HS6ST3: variants seen among roughly 807,000 people sequenced by gnomAD.
HS6ST3 encodes heparan-sulfate 6-O-sulfotransferase 3.
A neutral mutation model predicts 36.7 loss-of-function variants in HS6ST3; 12 were observed. The ratio of observed to expected loss-of-function variants is 0.33; its 90% CI spans 0.21 to 0.53. HS6ST3 has a LOEUF of 0.53. Among genes scored for constraint, HS6ST3 ranks in the 20% least tolerant of loss-of-function variants. HS6ST3 has a pLI of 0.95. For missense variants in HS6ST3, 584 were observed against 640.9 expected (o/e 0.91, Z 0.96); for synonymous variants, 240 against 257.5 (o/e 0.93, Z 0.65).
intron 1 of HS6ST3, among the ~76,000 whole-genome samples, chr13:96,686,115 A>G (rs780042838): frequency 6.6e-6 from 1 of 151,990 alleles, no homozygotes; most frequent in African/African-American, 2.4e-5. Context: ...AGTTACACAC[A>G]ACTCATCATC....
At chr13:96,761,968 ATAT>A (rs1419183359) in intron 1 of HS6ST3, among the ~76,000 whole-genome samples, 5 of 152,112 alleles carry the variant, frequency 3.3e-5, no homozygotes, top group African/African-American at 9.7e-5. Flanking sequence ...AATGAGTATA[ATAT>A]TATGGTATAT....
intron 1 of HS6ST3, among the ~76,000 whole-genome samples, chr13:96,631,429 AAAG>A (rs2056531751): frequency 6.6e-6 from 1 of 152,252 alleles, no homozygotes; most frequent in Non-Finnish European, 1.5e-5. Flanking sequence ...TTTGTTCTCA[AAAG>A]ATTGTTAACA....
intron 1 of HS6ST3, among the ~76,000 whole-genome samples, chr13:96,606,617 G>T (rs1050459339): frequency 6.1e-4 from 85 of 138,322 alleles, no homozygotes; most frequent in Non-Finnish European, 1.3e-3. Flanking sequence ...GAGGGAGGGA[G>T]GGAGGGAGGG....
At chr13:96,744,054 T>C (rs181870826) in intron 1 of HS6ST3, among the ~76,000 whole-genome samples, 299 of 152,218 alleles carry the variant, frequency 2.0e-3, no homozygotes, top group Non-Finnish European at 3.9e-3. Flanking sequence ...AGAATATTTC[T>C]ATAAGTCACA....
intron 1 of HS6ST3, among the ~76,000 whole-genome samples, chr13:96,623,055 T>A (rs1566413825): frequency 6.6e-6 from 1 of 152,214 alleles, no homozygotes; most frequent in South Asian, 2.1e-4. Context: ...ATCCTTAGGA[T>A]CTATTATTTT....
intron 1 of HS6ST3, among the ~76,000 whole-genome samples, chr13:96,116,129 A>G (rs190727075): frequency 6.6e-6 from 1 of 152,330 alleles, no homozygotes; most frequent in East Asian, 1.9e-4. Context: ...ACAACAGGTG[A>G]CAGGAAGAGT....
In HS6ST3 at chr13:96,737,631, C is replaced by CAA. The variant is rs5805990; in HGVS notation, c.708-94834_708-94833dup. Among the ~76,000 whole-genome samples, 86 of 65,716 alleles carry CAA rather than the reference C, an allele frequency of 1.3e-3. 2 individuals carry two copies. Among genetic ancestry groups the CAA allele is most frequent in the Admixed American group, 1.7e-3 (8 of 4,834 alleles). 43.1% of individuals were successfully genotyped at this position (65,716 alleles called of 152,430 possible). On this transcript the variant is annotated intron_variant, in intron 1 of 1. Transcript: ENST00000376705. The stretch of plus-strand genomic sequence containing the variant: ...TGGGCGACAGAGCGAGACTCCGTCT[C>CAA]AAAAAAAAAAAAAAAAAAAAAAAAA...
chr13:96,315,539 A>T (rs1008482857), intron 1 of HS6ST3, among the ~76,000 whole-genome samples: 3 of 152,084 alleles, frequency 2.0e-5, no homozygotes, highest in Non-Finnish European at 2.9e-5. Context: ...AAAACTAACA[A>T]TTTTTTCCTA....
intron 1 of HS6ST3, 28 bp from the exon 2 acceptor site, chr13:96,832,451 GTTGTCAACTAC>G (rs769132898): frequency 6.9e-7 from 1 of 1,445,296 alleles, no homozygotes; most frequent in Non-Finnish European, 9.3e-7. Context: ...TCCTGTTAGA[GTTGTCAACTAC>G]TGATGCTCTT....
intron 1 of HS6ST3, among the ~76,000 whole-genome samples, chr13:96,718,939 C>T (rs1165232557): frequency 6.6e-6 from 1 of 151,964 alleles, no homozygotes; most frequent in Non-Finnish European, 1.5e-5. Flanking sequence ...AGGCATATAC[C>T]ACTCAAATTT....
intron 1 of HS6ST3, among the ~76,000 whole-genome samples, chr13:96,394,998 G>C (rs729174): frequency 0.52 from 79,001 of 151,976 alleles, 21,070 homozygotes; most frequent in Middle Eastern, 0.62. Context: ...TGCCACCTCT[G>C]CCTGTTTACA....
intron 1 of HS6ST3, among the ~76,000 whole-genome samples, chr13:96,280,891 A>C (rs1005956430): frequency 1.3e-5 from 2 of 152,202 alleles, no homozygotes; most frequent in Non-Finnish European, 2.9e-5. Flanking sequence ...ATTTCAATGT[A>C]AGATTCAAGT....
chr13:96,794,007 A>C (rs1350791605), intron 1 of HS6ST3, among the ~76,000 whole-genome samples: 3 of 152,034 alleles, frequency 2.0e-5, no homozygotes, highest in Non-Finnish European at 4.4e-5. Flanking sequence ...TGTCATCATC[A>C]CCCAGTATGT....
intron 1 of HS6ST3, among the ~76,000 whole-genome samples, chr13:96,632,311 G>GTT (rs5805983): frequency 5.2e-4 from 78 of 150,420 alleles, no homozygotes; most frequent in Middle Eastern, 3.4e-3. Flanking sequence ...AAATTTCTGT[G>GTT]TTTTTTTTTG....
chr13:96,163,719 C>T (rs2054148297), intron 1 of HS6ST3, among the ~76,000 whole-genome samples: 1 of 152,004 alleles, frequency 6.6e-6, no homozygotes. Context: ...AAACCCTTTT[C>T]CCCCCAGCAT....
intron 1 of HS6ST3, among the ~76,000 whole-genome samples, chr13:96,289,065 T>C (rs1318627284): frequency 6.6e-6 from 1 of 151,866 alleles, no homozygotes; most frequent in Non-Finnish European, 1.5e-5. Flanking sequence ...TGGCAAAAAA[T>C]TTAAAATACT....
At chr13:96,279,516 A>G (rs1291075889) in intron 1 of HS6ST3, among the ~76,000 whole-genome samples, 1 of 152,140 alleles carries the variant, frequency 6.6e-6, no homozygotes, top group Non-Finnish European at 1.5e-5. Flanking sequence ...GGAACATCTA[A>G]TCTTGTCTCG....
rs35380296 is a variant in HS6ST3, at chr13:96,593,174, C to CTTTTTTTTTTTTTTTTTTT, written c.708-239307_708-239289dup. 1.9e-4 allele frequency among the ~76,000 whole-genome samples: 9 copies of CTTTTTTTTTTTTTTTTTTT among 46,604 alleles called. 1 individual carries two copies. The highest frequency in any genetic ancestry group is 2.8e-4 in the African/African-American group (3 of 10,680). 30.6% of individuals were successfully genotyped at this position (46,604 alleles called of 152,430 possible). ...CTCTGACTGTGTATTTTCTTTCTTTCTTTTTTTTTTTTTTTTTTTTTTTTT... is the reference window on the plus strand; with the variant it reads ...CTCTGACTGTGTATTTTCTTTCTTTCTTTTTTTTTTTTTTTTTTTTTTTTTTTTTTTTTTTTTTTTTTTT... On this transcript the variant is annotated intron_variant, in intron 1 of 1. Coordinates refer to ENST00000376705, the MANE Select transcript of HS6ST3 (RefSeq NM_153456.4).
intron 1 of HS6ST3, among the ~76,000 whole-genome samples, chr13:96,721,019 C>T (rs1875834240): frequency 6.6e-6 from 1 of 152,142 alleles, no homozygotes; most frequent in Non-Finnish European, 1.5e-5. Context: ...TATAGAAAGA[C>T]TTACGTGAGC....
Sources: allele counts gnomAD v4.1 joint callset (sites outside exome capture counted in the v4.1 genomes callset), GRCh38; gene constraint gnomAD v4.1.1; transcripts MANE v1.5; gene names NCBI Gene and HGNC (gene_info 2026-07-23, HGNC 2026-07-21).